Variants in LNX1 observed in about 807,000 individuals in gnomAD.
The protein encoded by LNX1 is ligand of numb-protein X 1.
Under a neutral mutation model 68.4 loss-of-function variants are expected in LNX1, and 54 were observed. The ratio of observed to expected loss-of-function variants is 0.79; its 90% CI spans 0.63 to 0.99. The LOEUF (loss-of-function observed/expected upper bound fraction) is 0.99. LNX1 is among the 50% of genes least tolerant of loss of function. The pLI, the probability that LNX1 is intolerant of heterozygous loss-of-function variation, is 0.00. For missense variants in LNX1, 906 were observed against 926.4 expected (o/e 0.98, Z 0.29); for synonymous variants, 336 against 350.0 (o/e 0.96, Z 0.45).
chr4:53,546,391 C>T (rs948242353), intron 2 of LNX1, among the ~76,000 whole-genome samples: 3 of 152,210 alleles, frequency 2.0e-5, no homozygotes, highest in Non-Finnish European at 2.9e-5. Context: ...TGCAGGGTCA[C>T]TTGCCACACT....
intron 2 of LNX1, among the ~76,000 whole-genome samples, chr4:53,611,490 T>C (rs1460964673): frequency 6.6e-6 from 1 of 152,124 alleles, no homozygotes. Flanking sequence ...GATAAAGTGA[T>C]CTTAAAGTTT....
chr4:53,554,851 C>CAAAAA (rs3067036), intron 2 of LNX1, among the ~76,000 whole-genome samples: 3 of 121,358 alleles, frequency 2.5e-5, no homozygotes, highest in African/African-American at 8.7e-5. Context: ...GACTCTGTCT[C>CAAAAA]AAAAAAAAAA....
intron 2 of LNX1, among the ~76,000 whole-genome samples, chr4:53,520,095 G>A (rs1179380849): frequency 6.6e-6 from 1 of 152,216 alleles, no homozygotes; most frequent in African/African-American, 2.4e-5. Context: ...TTTTGGAGGA[G>A]CTTTGTGGTT....
intron 2 of LNX1, among the ~76,000 whole-genome samples, chr4:53,605,061 G>A (rs1449499969): frequency 6.6e-6 from 1 of 152,000 alleles, no homozygotes; most frequent in Non-Finnish European, 1.5e-5. Context: ...CTCAGTTAAG[G>A]GCTATGCCTA....
chr4:53,547,386 C>T (rs1729184620), intron 2 of LNX1, among the ~76,000 whole-genome samples: 1 of 152,104 alleles, frequency 6.6e-6, no homozygotes, highest in African/African-American at 2.4e-5. Flanking sequence ...AGTGTTATTC[C>T]CATTTATAGG....
Position 53,481,795 on chromosome 4 carries a change from G to A in LNX1, c.1410C>T (p.Asp470=), listed in dbSNP as rs769982111. 3.1e-6 allele frequency: 5 copies of A among 1,613,518 alleles called. No homozygotes were observed. In the South Asian group the frequency reaches 3.3e-5, roughly 11 times the overall value. Residue 470 remains aspartate, a synonymous_variant, in exon 7 of 11, where the codon GAC becomes GAT. Coordinates refer to ENST00000263925, the MANE Select transcript of LNX1 (RefSeq NM_001126328.3). The stretch of plus-strand genomic sequence containing the variant: ...TGTTCCAGCCGGCTTCCTGAAAGAT[G>A]TCAGGGCTCCGCTGCCGAACCTGGC... The part of the protein sequence containing the change: ...VSRQVRQRSP[D]IFQEAGWNSN...
intron 2 of LNX1, among the ~76,000 whole-genome samples, chr4:53,568,090 C>T (rs1730834669): frequency 6.6e-6 from 1 of 152,122 alleles, no homozygotes; most frequent in South Asian, 2.1e-4. Flanking sequence ...GGTACCATTC[C>T]TTCTGAAACT....
At chr4:53,534,258 G>A (rs1401194809) in intron 2 of LNX1, among the ~76,000 whole-genome samples, 1 of 152,146 alleles carries the variant, frequency 6.6e-6, no homozygotes, top group Admixed American at 6.6e-5. Flanking sequence ...CTCTTAAAGG[G>A]TCTCTGTGAA....
chr4:53,482,879 A>C (rs920013493), intron 6 of LNX1, among the ~76,000 whole-genome samples: 6 of 152,220 alleles, frequency 3.9e-5, no homozygotes, highest in African/African-American at 1.4e-4. Context: ...AAACTGCAAA[A>C]GAGTAATTTG....
intron 1 of LNX1, among the ~76,000 whole-genome samples, chr4:53,635,710 C>T (rs1577818580): frequency 6.6e-6 from 1 of 152,092 alleles, no homozygotes; most frequent in East Asian, 1.9e-4. Flanking sequence ...GAAGAAACAA[C>T]CAAGAGATTG....
At chr4:53,646,218 G>T (rs1734878261) in intron 1 of LNX1, among the ~76,000 whole-genome samples, 2 of 151,946 alleles carry the variant, frequency 1.3e-5, no homozygotes, top group African/African-American at 4.8e-5. Context: ...TGATTTTATG[G>T]CAGAGCTCCA....
In LNX1 at chr4:53,476,763, C is replaced by T. The variant is rs147163757; in HGVS notation, c.1882G>A (p.Glu628Lys). 2 of 1,614,110 alleles carry T rather than the reference C, an allele frequency of 1.2e-6. No homozygotes were observed. The highest frequency in any genetic ancestry group is 1.7e-6 in the Non-Finnish European group (2 of 1,179,978). The change falls in exon 9 of 11, where the codon GAA becomes AAA. Residue 628 changes from glutamate (E) to lysine (K), a missense_variant. Glu to Lys is a moderately conservative substitution (Grantham distance 56). Coordinates refer to ENST00000263925, the MANE Select transcript of LNX1 (RefSeq NM_001126328.3). Reference sequence around the variant, plus strand: ...TGTGTTTGGACTTACCGTGGTAATTCCAGCCACATGACCCAGGATGGGGAC... The same window carrying T: ...TGTGTTTGGACTTACCGTGGTAATTTCAGCCACATGACCCAGGATGGGGAC... ...DWSPSWVMWL[E>K]LPRCLYNCKD...
intron 2 of LNX1, among the ~76,000 whole-genome samples, chr4:53,551,492 G>A (rs574666185): frequency 6.6e-6 from 1 of 152,256 alleles, no homozygotes; most frequent in South Asian, 2.1e-4. Context: ...AGTTTAACTG[G>A]TATATGAATC....
intron 4 of LNX1, 143 bp from the exon 5 acceptor site, chr4:53,498,986 A>T: frequency 1.5e-6 from 1 of 672,036 alleles, no homozygotes; most frequent in Non-Finnish European, 2.5e-6. Flanking sequence ...CTCTGTGTCA[A>T]TGTAAGTTTC....
intron 2 of LNX1, chr4:53,539,292 G>T (rs1416067623): frequency 6.6e-6 from 1 of 152,226 alleles, no homozygotes; most frequent in Non-Finnish European, 1.5e-5. Context: ...GAATAGTGAA[G>T]TATACAGATA....
At chr4:53,477,205 G>A (rs919427830) in intron 8 of LNX1, among the ~76,000 whole-genome samples, 9 of 147,506 alleles carry the variant, frequency 6.1e-5, no homozygotes, top group East Asian at 2.0e-4. Context: ...CACAGCTATC[G>A]GTGTTTTACA....
At chr4:53,579,618 G>C (rs1731709629) in intron 1 of LNX1, among the ~76,000 whole-genome samples, 1 of 152,148 alleles carries the variant, frequency 6.6e-6, no homozygotes, top group Non-Finnish European at 1.5e-5. Flanking sequence ...TCGAGATCGT[G>C]TGTCTACTGT....
chr4:53,639,434 C>A (rs1226810479), intron 1 of LNX1, among the ~76,000 whole-genome samples: 1 of 152,112 alleles, frequency 6.6e-6, no homozygotes, highest in Admixed American at 6.6e-5. Context: ...AAAAAAAATT[C>A]TTCCTTATAT....
At chr4:53,533,270 A>T (rs1046145714) in intron 2 of LNX1, among the ~76,000 whole-genome samples, 1 of 152,156 alleles carries the variant, frequency 6.6e-6, no homozygotes, top group Non-Finnish European at 1.5e-5. Context: ...ATACAAAGGA[A>T]CCAGATTTGC....
Sources: gnomAD v4.1 joint callset for allele counts (sites outside exome capture counted in the v4.1 genomes callset) on GRCh38, gnomAD v4.1.1 for gene constraint, MANE v1.5 for transcripts, NCBI Gene and HGNC (gene_info 2026-07-23, HGNC 2026-07-21) for gene names.